Variants in CPEB3 observed in about 807,000 individuals in gnomAD.
The protein encoded by CPEB3 is cytoplasmic polyadenylation element binding protein 3.
Under a neutral mutation model 67.2 loss-of-function variants are expected in CPEB3, and 20 were observed. The observed-to-expected ratio is 0.30, with a 90% CI of 0.21 to 0.43. The LOEUF is 0.43. CPEB3 is among the 20% of genes least tolerant of loss of function. CPEB3 has a pLI of 1.00. For synonymous variants in CPEB3, 376 were observed against 393.1 expected (o/e 0.96, Z 0.51); for missense variants, 746 against 968.6 (o/e 0.77, Z 3.05).
chr10:92,271,613 T>C (rs377436590), intron 1 of CPEB3, among the ~76,000 whole-genome samples: 1 of 152,212 alleles, frequency 6.6e-6, no homozygotes, highest in Non-Finnish European at 1.5e-5. Flanking sequence ...TAATATCACA[T>C]AAGTGATGTT....
At chr10:92,154,049 G>A (rs1847091013) in intron 4 of CPEB3, among the ~76,000 whole-genome samples, 1 of 152,156 alleles carries the variant, frequency 6.6e-6, no homozygotes, top group Non-Finnish European at 1.5e-5. Flanking sequence ...TAGCCAACAT[G>A]TCTACTTATG....
intron 1 of CPEB3, among the ~76,000 whole-genome samples, chr10:92,275,139 G>A (rs1277584177): frequency 6.6e-6 from 1 of 152,156 alleles, no homozygotes; most frequent in Non-Finnish European, 1.5e-5. Context: ...TTTTGCTTAA[G>A]TTAGCTCTGG....
At chr10:92,162,052 A>C (rs911744132) in intron 4 of CPEB3, among the ~76,000 whole-genome samples, 2 of 152,200 alleles carry the variant, frequency 1.3e-5, no homozygotes, top group Admixed American at 6.5e-5. Flanking sequence ...AGATATAACA[A>C]GATACAATAT....
intron 6 of CPEB3, among the ~76,000 whole-genome samples, chr10:92,114,894 T>C (rs1844928542): frequency 6.6e-6 from 1 of 152,276 alleles, no homozygotes; most frequent in Non-Finnish European, 1.5e-5. Context: ...GTATTGATTT[T>C]TCTTTTACTG....
intron 1 of CPEB3, among the ~76,000 whole-genome samples, chr10:92,249,289 G>C (rs1265937471): frequency 1.3e-5 from 2 of 151,094 alleles, no homozygotes. Context: ...TGAGGCCGGA[G>C]AATCTCTTGA....
Position 92,240,048 on chromosome 10 carries a change from C to T in CPEB3, c.303G>A (p.Ala101=). Reference sequence around the variant, plus strand: ...TGCTGCCGAAGGACGGCGACAGCGACGCGCCCGGTGCCGCGGGCTCCTGAG... The same window carrying T: ...TGCTGCCGAAGGACGGCGACAGCGATGCGCCCGGTGCCGCGGGCTCCTGAG... ...PPPQEPAAPG[A]SLSPSFGSTW... Residue 101 remains alanine, a synonymous_variant, in exon 2 of 10, where the codon GCG becomes GCA. Transcript: ENST00000265997. 2 of 1,597,668 alleles carry T rather than the reference C, an allele frequency of 1.3e-6. No homozygotes were observed. Among genetic ancestry groups the T allele is most frequent in the Non-Finnish European group, 1.7e-6 (2 of 1,172,326 alleles).
intron 7 of CPEB3, among the ~76,000 whole-genome samples, chr10:92,097,372 G>C (rs1015478710): frequency 2.0e-5 from 3 of 152,198 alleles, no homozygotes; most frequent in Admixed American, 6.5e-5. Context: ...ACAGCTTACA[G>C]TGATGGAATG....
chr10:92,103,012 G>A (rs531686777), intron 7 of CPEB3, among the ~76,000 whole-genome samples: 108 of 152,304 alleles, frequency 7.1e-4, no homozygotes, highest in African/African-American at 2.5e-3. Flanking sequence ...CTCTGTGCAC[G>A]TTTGGTGTGT....
At chr10:92,096,056 T>A (rs1172104015) in intron 7 of CPEB3, among the ~76,000 whole-genome samples, 1 of 103,076 alleles carries the variant, frequency 9.7e-6, no homozygotes, top group South Asian at 3.2e-4. Flanking sequence ...TTTTTTTTTT[T>A]AGTAGAGATG....
intron 1 of CPEB3, 35 bp from the exon 2 acceptor site, chr10:92,240,396 A>C (rs1343451986): frequency 1.4e-6 from 2 of 1,434,544 alleles, no homozygotes; most frequent in Admixed American, 5.9e-5. Flanking sequence ...CGTTATTGTC[A>C]ATGTGATCAT....
At chr10:92,076,633 C>T (rs748589377) in intron 9 of CPEB3, among the ~76,000 whole-genome samples, 5 of 152,008 alleles carry the variant, frequency 3.3e-5, no homozygotes, top group Non-Finnish European at 7.4e-5. Flanking sequence ...AGGTTGGTCT[C>T]GAACTTCTGG....
intron 3 of CPEB3, among the ~76,000 whole-genome samples, chr10:92,188,980 C>G (rs1174960288): frequency 6.6e-6 from 1 of 152,146 alleles, no homozygotes; most frequent in Non-Finnish European, 1.5e-5. Flanking sequence ...AAACAGAAGT[C>G]TCATTATCTC....
intron 6 of CPEB3, among the ~76,000 whole-genome samples, chr10:92,127,301 C>T (rs954381197): frequency 3.3e-5 from 5 of 151,792 alleles, no homozygotes; most frequent in Admixed American, 2.6e-4. Flanking sequence ...ACAGAAAATG[C>T]GAGTAAGAGG....
chr10:92,289,970 A>C (rs1475933771), intron 1 of CPEB3, among the ~76,000 whole-genome samples: 1 of 148,530 alleles, frequency 6.7e-6, no homozygotes, highest in Non-Finnish European at 1.5e-5. Context: ...TATTTCAAAA[A>C]TTGGAGGCCA....
chr10:92,075,108 C>T (rs1842886738), intron 9 of CPEB3, among the ~76,000 whole-genome samples: 1 of 152,190 alleles, frequency 6.6e-6, no homozygotes, highest in Non-Finnish European at 1.5e-5. Flanking sequence ...TTCTCTTAGT[C>T]CTCCCGTGGC....
intron 4 of CPEB3, among the ~76,000 whole-genome samples, chr10:92,169,169 G>T (rs7921368): frequency 0.11 from 15,685 of 146,652 alleles, 2,735 homozygotes; most frequent in African/African-American, 0.37. Flanking sequence ...ATGGAGTTTT[G>T]CTCTTATTGC....
intron 1 of CPEB3, among the ~76,000 whole-genome samples, chr10:92,262,975 G>T (rs1263540567): frequency 6.6e-6 from 1 of 152,202 alleles, no homozygotes; most frequent in East Asian, 1.9e-4. Context: ...TCACTAGGTT[G>T]CCCAGGCTGG....
intron 1 of CPEB3, among the ~76,000 whole-genome samples, chr10:92,286,005 G>A (rs1362299043): frequency 3.3e-5 from 5 of 149,360 alleles, no homozygotes; most frequent in Non-Finnish European, 5.9e-5. Flanking sequence ...GTACAATCTC[G>A]GCTCACTGCA....
chr10:92,073,748 C>T (rs752695737), intron 9 of CPEB3, among the ~76,000 whole-genome samples: 9 of 151,750 alleles, frequency 5.9e-5, no homozygotes, highest in Non-Finnish European at 1.0e-4. Flanking sequence ...ATTATAGGTG[C>T]GAGGCCCTGG....
Sources: allele counts gnomAD v4.1 joint callset (sites outside exome capture counted in the v4.1 genomes callset), GRCh38; gene constraint gnomAD v4.1.1; transcripts MANE v1.5; gene names NCBI Gene and HGNC (gene_info 2026-07-23, HGNC 2026-07-21).